Variants in PTPN14 observed in about 807,000 individuals in gnomAD.
PTPN14 encodes the protein protein tyrosine phosphatase non-receptor type 14, also known as tyrosine-protein phosphatase non-receptor type 14.
Under a neutral mutation model 126.8 loss-of-function variants are expected in PTPN14, and 53 were observed. That is an observed-to-expected ratio of 0.42 (90% CI 0.34 to 0.53). PTPN14 has a LOEUF of 0.53. PTPN14 is among the 20% of genes least tolerant of loss of function. The pLI, the probability that PTPN14 is intolerant of heterozygous loss-of-function variation, is 0.08. For missense variants in PTPN14, 1,257 were observed against 1,552.9 expected, an observed-to-expected ratio of 0.81 and a Z score of 3.20; for synonymous variants, 630 against 599.3, an observed-to-expected ratio of 1.05 and a Z score of -0.75.
intron 17 of PTPN14, among the ~76,000 whole-genome samples, 185 bp downstream of exon 17, chr1:214,369,272 A>G (rs898971351): frequency 2.0e-5 from 3 of 152,250 alleles, no homozygotes; most frequent in African/African-American, 7.2e-5. Context: ...AGGTAAACAG[A>G]ATAAGTGACA....
chr1:214,509,102 T>C (rs1203895304), intron 1 of PTPN14, among the ~76,000 whole-genome samples: 1 of 152,182 alleles, frequency 6.6e-6, no homozygotes, highest in Non-Finnish European at 1.5e-5. Flanking sequence ...CAACTTAAAG[T>C]CATCAGCTGC....
chr1:214,503,033 C>T (rs951720787), intron 1 of PTPN14, among the ~76,000 whole-genome samples: 8 of 152,012 alleles, frequency 5.3e-5, no homozygotes, highest in African/African-American at 1.9e-4. Flanking sequence ...GAAATTCCAA[C>T]CAAAAGGATA....
chr1:214,519,820 G>C (rs1655197965), intron 1 of PTPN14, among the ~76,000 whole-genome samples: 1 of 151,854 alleles, frequency 6.6e-6, no homozygotes, highest in Non-Finnish European at 1.5e-5. Context: ...GAGGCCAAGG[G>C]GGGCGGACGG....
intron 13 of PTPN14, among the ~76,000 whole-genome samples, chr1:214,380,595 G>C (rs1344684686): frequency 1.3e-5 from 2 of 152,180 alleles, no homozygotes; most frequent in Admixed American, 6.5e-5. Flanking sequence ...AGCTCCAGGA[G>C]AGCTGCCCAG....
chr1:214,461,707 G>A (rs1339960024), intron 2 of PTPN14, among the ~76,000 whole-genome samples: 17 of 152,106 alleles, frequency 1.1e-4, no homozygotes, highest in Admixed American at 1.0e-3. Flanking sequence ...CACTTTGGGA[G>A]ACCAAGGCAG....
Position 214,520,065 on chromosome 1 carries a change from A to AAAATATATATATATATAT in PTPN14, c.-155+31117_-155+31118insATATATATATATATATTT. 4.6e-3 allele frequency among the ~76,000 whole-genome samples: 327 copies of AAAATATATATATATATAT among 70,994 alleles called. 1 individual carries two copies. The highest frequency in any genetic ancestry group is 0.011 in the Middle Eastern group (1 of 90). The allele number at this position is 70,994 out of a possible 152,430, so 46.6% of individuals were successfully genotyped here. The stretch of plus-strand genomic sequence containing the variant: ...CCTGTCTCAAAAAAAAAAAAAAAAA[A>AAAATATATATATATATAT]ATATATATATATATATATGCAGAAT... On this transcript the variant is annotated intron_variant, in intron 1 of 18. Coordinates refer to ENST00000366956, the MANE Select transcript of PTPN14 (RefSeq NM_005401.5).
At chr1:214,499,204 C>G (rs1342802701) in intron 1 of PTPN14, among the ~76,000 whole-genome samples, 1 of 152,014 alleles carries the variant, frequency 6.6e-6, no homozygotes, top group Admixed American at 6.6e-5. Context: ...CTGGAAGCAA[C>G]CTAGAAACTG....
At chr1:214,400,269 T>G (rs1040658386) in intron 7 of PTPN14, among the ~76,000 whole-genome samples, 3 of 152,234 alleles carry the variant, frequency 2.0e-5, no homozygotes, top group Admixed American at 1.3e-4. Context: ...CTGGTACTGT[T>G]GCTCCCACCC....
Position 214,354,441 on chromosome 1 carries a change from GA to G in PTPN14, c.*3480del, listed in dbSNP as rs779597833. ...AATCCTCCTTTACTTCCTATCTGGG[GA>G]AAGAAGTGCATACCAATGTCTATGC... On this transcript the variant is annotated 3_prime_UTR_variant, in exon 19 of 19. Coordinates refer to ENST00000366956, the MANE Select transcript of PTPN14 (RefSeq NM_005401.5). The G allele has an allele frequency of 1.3e-5, 2 of 152,076 alleles. No individual in the cohort carries two copies. Among genetic ancestry groups the G allele is most frequent in the Non-Finnish European group, 2.9e-5 (2 of 68,030 alleles). The allele number at this position is 152,076 out of a possible 1,614,324, so 9.4% of individuals were successfully genotyped here.
At chr1:214,400,359 GAA>G (rs1658987414) in intron 7 of PTPN14, among the ~76,000 whole-genome samples, 1 of 152,144 alleles carries the variant, frequency 6.6e-6, no homozygotes, top group African/African-American at 2.4e-5. Flanking sequence ...GGAAAGAGAA[GAA>G]AAAGAGGCAG....
At chr1:214,421,028 CAT>C (rs1242886840) in intron 3 of PTPN14, among the ~76,000 whole-genome samples, 1 of 152,210 alleles carries the variant, frequency 6.6e-6, no homozygotes, top group Non-Finnish European at 1.5e-5. Flanking sequence ...ACAATTATCA[CAT>C]GATTCAGCAA....
At chr1:214,432,347 A>G (rs1448564514) in intron 3 of PTPN14, among the ~76,000 whole-genome samples, 1 of 152,224 alleles carries the variant, frequency 6.6e-6, no homozygotes, top group South Asian at 2.1e-4. Flanking sequence ...AAAAAGAAAC[A>G]TAAGACCAAG....
In PTPN14 at chr1:214,357,700, G is replaced by A. The variant is rs1657855846; in HGVS notation, c.*222C>T. The A allele has an allele frequency of 2.3e-6, 1 of 427,704 alleles. No homozygotes were observed. The highest frequency in any genetic ancestry group is 4.2e-6 in the Non-Finnish European group (1 of 235,866). The allele number at this position is 427,704 out of a possible 1,614,324, so 26.5% of individuals were successfully genotyped here. ...AAAGTACTATATTACTAGGGAAACT[G>A]CATTATAATAATTCACAAAAGTTAT... On this transcript the variant is annotated 3_prime_UTR_variant, in exon 19 of 19. Transcript: ENST00000366956.
chr1:214,492,625 C>T (rs1286090332), intron 1 of PTPN14, among the ~76,000 whole-genome samples: 7 of 152,054 alleles, frequency 4.6e-5, no homozygotes, highest in Admixed American at 1.3e-4. Flanking sequence ...AATGTGTTGT[C>T]GGCCGGGCAT....
At chr1:214,504,745 C>A (rs895965354) in intron 1 of PTPN14, among the ~76,000 whole-genome samples, 18 of 152,118 alleles carry the variant, frequency 1.2e-4, no homozygotes, top group Non-Finnish European at 1.5e-5. Context: ...GGAGACCAAT[C>A]CCAGGATAAG....
At chr1:214,436,786 CAAAAAAAAAA>C (rs1159209240) in intron 3 of PTPN14, among the ~76,000 whole-genome samples, 2 of 46,646 alleles carry the variant, frequency 4.3e-5, no homozygotes, top group African/African-American at 1.5e-4. Context: ...GACTCCGTCT[CAAAAAAAAAA>C]AAAAAAAAAA....
chr1:214,434,728 A>G (rs1295683088), intron 3 of PTPN14, among the ~76,000 whole-genome samples: 1 of 152,146 alleles, frequency 6.6e-6, no homozygotes, highest in African/African-American at 2.4e-5. Flanking sequence ...TTGAGGACCC[A>G]GAGAAAAGGT....
intron 1 of PTPN14, among the ~76,000 whole-genome samples, chr1:214,469,305 C>T (rs958376169): frequency 3.3e-5 from 5 of 152,150 alleles, no homozygotes; most frequent in African/African-American, 1.2e-4. Context: ...TTCACACAGG[C>T]GTAGAGTTCC....
intron 1 of PTPN14, among the ~76,000 whole-genome samples, chr1:214,501,926 G>T (rs1654710004): frequency 6.6e-6 from 1 of 152,006 alleles, no homozygotes; most frequent in African/African-American, 2.4e-5. Context: ...AGGCATGGTG[G>T]TGGGCGCCTG....
Sources: gnomAD v4.1 joint callset for allele counts (sites outside exome capture counted in the v4.1 genomes callset) on GRCh38, gnomAD v4.1.1 for gene constraint, MANE v1.5 for transcripts, NCBI Gene and HGNC (gene_info 2026-07-23, HGNC 2026-07-21) for gene names.